Variants in ZNF710 observed in about 807,000 individuals in gnomAD.
The protein encoded by ZNF710 is zinc finger protein 710.
Under a neutral mutation model 50.6 loss-of-function variants are expected in ZNF710, and 13 were observed. The ratio of observed to expected loss-of-function variants is 0.26; its 90% CI spans 0.17 to 0.41. The LOEUF is 0.41. ZNF710 is among the 10% of genes least tolerant of loss of function. The pLI, the probability that ZNF710 is intolerant of heterozygous loss-of-function variation, is 1.00. For missense variants in ZNF710, 721 were observed against 936.6 expected, an observed-to-expected ratio of 0.77 and a Z score of 3.01; for synonymous variants, 383 against 397.0, an observed-to-expected ratio of 0.96 and a Z score of 0.42.
At chr15:90,029,823 C>T (rs1004859659) in intron 1 of ZNF710, among the ~76,000 whole-genome samples, 2 of 151,392 alleles carry the variant, frequency 1.3e-5, no homozygotes, top group African/African-American at 4.8e-5. Context: ...CCATGTTGGC[C>T]AGGCTGGTCT....
chr15:90,049,558 G>C (rs1299014629), intron 1 of ZNF710, among the ~76,000 whole-genome samples: 1 of 152,218 alleles, frequency 6.6e-6, no homozygotes, highest in African/African-American at 2.4e-5. Context: ...CCACCCTGCA[G>C]ACAGGGCTTC....
At chr15:90,031,339 G>A (rs989371161) in intron 1 of ZNF710, among the ~76,000 whole-genome samples, 3 of 152,174 alleles carry the variant, frequency 2.0e-5, no homozygotes, top group East Asian at 1.9e-4. Context: ...AGCATCACCC[G>A]GGAGCTTATT....
At chr15:90,027,740 TGCTCGGAAGGCTGAG>T (rs1043300019) in intron 1 of ZNF710, among the ~76,000 whole-genome samples, 1 of 151,568 alleles carries the variant, frequency 6.6e-6, no homozygotes, top group African/African-American at 2.4e-5. Context: ...TAGTCCCAGC[TGCTCGGAAGGCTGAG>T]GCATGAGAAT....
chr15:90,033,699 T>C (rs1899016402), intron 1 of ZNF710, among the ~76,000 whole-genome samples: 1 of 152,180 alleles, frequency 6.6e-6, no homozygotes, highest in African/African-American at 2.4e-5. Flanking sequence ...GCTGGGACCA[T>C]AGGCATTCGC....
chr15:90,060,492 T>G (rs936881617), intron 1 of ZNF710, among the ~76,000 whole-genome samples: 2 of 152,014 alleles, frequency 1.3e-5, no homozygotes, highest in Non-Finnish European at 2.9e-5. Context: ...AGTTTGAGGC[T>G]GCAGTGAGCT....
At chr15:90,001,201 AG>A, upstream of ZNF710, among the ~76,000 whole-genome samples, 1 of 152,304 alleles carries the variant, frequency 6.6e-6, no homozygotes, top group African/African-American at 2.4e-5. Context: ...AAAGAAAGGA[AG>A]AAAAATCCTC....
intron 1 of ZNF710, among the ~76,000 whole-genome samples, chr15:90,061,505 G>T (rs1015545128): frequency 2.0e-5 from 3 of 152,140 alleles, no homozygotes; most frequent in Non-Finnish European, 2.9e-5. Context: ...CTGGTGGTGG[G>T]AACTAGTCAA....
At chr15:90,065,575 A>G (rs562739229) in intron 1 of ZNF710, among the ~76,000 whole-genome samples, 1 of 149,980 alleles carries the variant, frequency 6.7e-6, no homozygotes, top group South Asian at 2.1e-4. Flanking sequence ...AGGGGTCAGC[A>G]GGGTTGGGAA....
chr15:90,011,840 C>T (rs1349694151), intron 1 of ZNF710, among the ~76,000 whole-genome samples: 2 of 152,004 alleles, frequency 1.3e-5, no homozygotes, highest in African/African-American at 4.8e-5. Flanking sequence ...GGGTATAAAA[C>T]ATTAGCCTGA....
At chr15:90,074,433 C>T in intron 4 of ZNF710, 143 bp downstream of exon 4, 1 of 1,541,360 alleles carries the variant, frequency 6.5e-7, no homozygotes, top group Non-Finnish European at 8.7e-7. Context: ...AGGGGGGTAC[C>T]CTGGAAGGCC....
At chr15:90,008,822 A>G (rs1218827828) in intron 1 of ZNF710, among the ~76,000 whole-genome samples, 2 of 152,038 alleles carry the variant, frequency 1.3e-5, no homozygotes, top group African/African-American at 4.8e-5. Flanking sequence ...ACCATTGTAA[A>G]GGATTTTCTG....
rs905592909 is a variant in ZNF710, at chr15:90,062,835, C to T, written c.-28-4275C>T. Among the ~76,000 whole-genome samples the T allele has an allele frequency of 6.6e-6, 1 of 152,146 alleles. No homozygotes were observed. The highest frequency in any genetic ancestry group is 1.5e-5 in the Non-Finnish European group (1 of 68,024). ...GCAGAGCCCCTTCTGCATACACACACGCGCGCACGCGCACACACACACAGC... is the reference window on the plus strand; with the variant it reads ...GCAGAGCCCCTTCTGCATACACACATGCGCGCACGCGCACACACACACAGC... On this transcript the variant is annotated intron_variant, in intron 1 of 4. Coordinates refer to ENST00000268154, the MANE Select transcript of ZNF710 (RefSeq NM_198526.4). This position sits in a 1 kb window ranked among gnomAD's most constrained non-coding sequence, Gnocchi z 5.6.
chr15:90,058,125 G>A (rs1475144400), intron 1 of ZNF710, among the ~76,000 whole-genome samples: 1 of 152,162 alleles, frequency 6.6e-6, no homozygotes, highest in Non-Finnish European at 1.5e-5. Context: ...AAGAGAGCGA[G>A]GGTTGTCAGA....
chr15:90,058,653 G>T (rs78761170), intron 1 of ZNF710, among the ~76,000 whole-genome samples: 13,725 of 150,778 alleles, frequency 0.091, 2,142 homozygotes, highest in African/African-American at 0.32. Flanking sequence ...TATTGTATCA[G>T]TCAGGGTTCT....
In ZNF710 at chr15:90,039,290, A is replaced by C. The variant is rs1196899961; in HGVS notation, c.-28-27820A>C. On this transcript the variant is annotated intron_variant, in intron 1 of 4. Transcript: ENST00000268154. ...CGAGACTGTCTCAAAAAAAAAAAAAAAGTGCTTCTGATGTGTACAGATGAT... is the reference window on the plus strand; with the variant it reads ...CGAGACTGTCTCAAAAAAAAAAAAACAGTGCTTCTGATGTGTACAGATGAT... 2.0e-5 allele frequency among the ~76,000 whole-genome samples: 3 copies of C among 151,850 alleles called. No individual in the cohort carries two copies. In the East Asian group the frequency reaches 5.8e-4, roughly 29 times the overall value.
intron 1 of ZNF710, among the ~76,000 whole-genome samples, chr15:90,010,640 A>G (rs933769835): frequency 9.9e-5 from 15 of 151,896 alleles, no homozygotes; most frequent in East Asian, 3.9e-4. Context: ...GGTGTTTTCT[A>G]TGTGTTCTTT....
intron 1 of ZNF710, among the ~76,000 whole-genome samples, chr15:90,054,497 C>T (rs1185617266): frequency 1.3e-5 from 2 of 152,086 alleles, no homozygotes; most frequent in Non-Finnish European, 2.9e-5. Context: ...CGGCCCTGGG[C>T]CCACCCAGCT....
chr15:90,073,388 G>A lies in ZNF710; in HGVS notation c.1650+126G>A, dbSNP rs1227643238. 9 of 1,106,154 alleles carry A rather than the reference G, an allele frequency of 8.1e-6. No homozygotes were observed. In the Admixed American group the frequency reaches 1.9e-4, roughly 23 times the overall value. 68.5% of individuals were successfully genotyped at this position (1,106,154 alleles called of 1,614,324 possible). ...TGCGGGCAAGAGGAGCCCCGGCTGG[G>A]TGAAACTTAGCCTGGGCTTTGGGGG... On this transcript the variant is annotated intron_variant, in intron 3 of 4. Transcript: ENST00000268154.
upstream of ZNF710, among the ~76,000 whole-genome samples, chr15:89,999,018 A>G (rs1023859684): frequency 6.6e-6 from 1 of 151,870 alleles, no homozygotes; most frequent in Non-Finnish European, 1.5e-5. Flanking sequence ...CCCCCCACCC[A>G]CTTGTATTCT....
Sources: gnomAD v4.1 joint callset for allele counts (sites outside exome capture counted in the v4.1 genomes callset) on GRCh38, gnomAD v4.1.1 for gene constraint, Gnocchi (gnomAD v3.1) non-coding constraint, MANE v1.5 for transcripts, NCBI Gene and HGNC (gene_info 2026-07-23, HGNC 2026-07-21) for gene names.